TIAM1: variants seen among roughly 807,000 people sequenced by gnomAD.
TIAM1 encodes rho guanine nucleotide exchange factor TIAM1.
In TIAM1, 65 loss-of-function variants were observed where a neutral mutation model predicts 163.5. The observed-to-expected ratio is 0.40, with a 90% confidence interval of 0.33 to 0.49. The LOEUF (loss-of-function observed/expected upper bound fraction) is 0.49. TIAM1 is among the 20% of genes least tolerant of loss of function. The pLI, the probability that TIAM1 is intolerant of heterozygous loss-of-function variation, is 0.77. For synonymous variants in TIAM1, 833 were observed against 810.1 expected (o/e 1.03, Z -0.48); for missense variants, 1,789 against 2,044.7 (o/e 0.87, Z 2.41).
chr21:31,178,303 CT>C (rs10671534), intron 15 of TIAM1, among the ~76,000 whole-genome samples: 1,979 of 96,004 alleles, frequency 0.021, 9 homozygotes, highest in African/African-American at 0.066. Flanking sequence ...TTCAGGAATT[CT>C]TTTTTTTTTT....
At chr21:31,487,104 G>A (rs942919911) in intron 1 of TIAM1, among the ~76,000 whole-genome samples, 3 of 152,190 alleles carry the variant, frequency 2.0e-5, no homozygotes, top group African/African-American at 7.2e-5. Flanking sequence ...GTTCAGGGCT[G>A]GGGGCAATCC....
chr21:31,209,355 C>A (rs1358854385), intron 11 of TIAM1, among the ~76,000 whole-genome samples: 1 of 152,220 alleles, frequency 6.6e-6, no homozygotes, highest in Non-Finnish European at 1.5e-5. Flanking sequence ...AGACCATTCA[C>A]CTGGCTGCCC....
At chr21:31,296,804 C>T (rs2074285844) in intron 2 of TIAM1, among the ~76,000 whole-genome samples, 1 of 152,168 alleles carries the variant, frequency 6.6e-6, no homozygotes, top group Admixed American at 6.5e-5. Context: ...GCTGGGACTA[C>T]AGGCATGTGC....
At chr21:31,521,498 G>A (rs1375629401) in intron 1 of TIAM1, among the ~76,000 whole-genome samples, 1 of 152,152 alleles carries the variant, frequency 6.6e-6, no homozygotes, top group Non-Finnish European at 1.5e-5. Context: ...TGATTTGGTA[G>A]GTGGAGGCGG....
chr21:31,430,225 A>AAAATAT (rs1555978198), intron 2 of TIAM1, among the ~76,000 whole-genome samples: 32 of 90,242 alleles, frequency 3.5e-4, no homozygotes, highest in African/African-American at 1.8e-3. Flanking sequence ...AAAAAAAAAA[A>AAAATAT]ATATATATAT....
intron 14 of TIAM1, among the ~76,000 whole-genome samples, chr21:31,186,729 T>G (rs988039358): frequency 2.0e-5 from 3 of 152,040 alleles, no homozygotes; most frequent in Admixed American, 1.3e-4. Flanking sequence ...TACAGTGACC[T>G]ATGATTGCGC....
chr21:31,135,926 TA>T lies in TIAM1; in HGVS notation c.3883+6del. 1 of 1,613,942 alleles carries T rather than the reference TA, an allele frequency of 6.2e-7. No homozygotes were observed. The highest frequency in any genetic ancestry group is 8.5e-7 in the Non-Finnish European group (1 of 1,179,800). On this transcript the variant is annotated splice_donor_region_variant and intron_variant, in intron 23 of 27. Coordinates refer to ENST00000541036, the MANE Select transcript of TIAM1 (RefSeq NM_001353694.2). The stretch of plus-strand genomic sequence containing the variant: ...CCCCCTCCATAAAACGCTTTTCTGA[TA>T]CACACCGAATGCTGCCAACTCTGGT...
intron 1 of TIAM1, among the ~76,000 whole-genome samples, chr21:31,550,187 T>C (rs991710635): frequency 6.6e-6 from 1 of 151,804 alleles, no homozygotes; most frequent in Admixed American, 6.6e-5. Flanking sequence ...GCCATATTCA[T>C]TCATAACAGT....
chr21:31,385,964 T>C (rs1258368148), intron 2 of TIAM1, among the ~76,000 whole-genome samples: 1 of 147,878 alleles, frequency 6.8e-6, no homozygotes, highest in Non-Finnish European at 1.5e-5. Flanking sequence ...TAATATATTA[T>C]ATATAATATA....
In TIAM1 at chr21:31,165,192, C is replaced by T. The variant is rs1005988511; in HGVS notation, c.2888-127G>A. On this transcript the variant is annotated intron_variant, in intron 15 of 27. Transcript: ENST00000541036. ...CATATACTGTAAGACCCTCCAAGTA[C>T]AAGCTCCATCACCTGGGCTCAATCA... 2.2e-5 allele frequency: 15 copies of T among 689,614 alleles called. 1 individual carries two copies. Among genetic ancestry groups the T allele is most frequent in the African/African-American group, 1.8e-4 (10 of 56,610 alleles). The allele number at this position is 689,614 out of a possible 1,614,324, so 42.7% of individuals were successfully genotyped here. A position where few individuals can be genotyped will look rare whatever the true frequency, so the allele number is the denominator to read the frequency against.
At chr21:31,447,427 C>A (rs577729610) in intron 2 of TIAM1, among the ~76,000 whole-genome samples, 7 of 151,440 alleles carry the variant, frequency 4.6e-5, no homozygotes, top group Admixed American at 4.6e-4. Flanking sequence ...CAGAGCAAGA[C>A]TCTATCTCAA....
chr21:31,472,755 C>G (rs2045791086), intron 1 of TIAM1, among the ~76,000 whole-genome samples: 1 of 152,202 alleles, frequency 6.6e-6, no homozygotes, highest in South Asian at 2.1e-4. Flanking sequence ...ATGCACATTT[C>G]ACATAGATTT....
intron 12 of TIAM1, among the ~76,000 whole-genome samples, chr21:31,200,049 T>A (rs1445531510): frequency 6.6e-6 from 1 of 152,200 alleles, no homozygotes; most frequent in Non-Finnish European, 1.5e-5. Flanking sequence ...ATATTACACA[T>A]TCACATGTAT....
intron 2 of TIAM1, among the ~76,000 whole-genome samples, chr21:31,388,745 T>G (rs2076920993): frequency 6.6e-6 from 1 of 152,184 alleles, no homozygotes; most frequent in Non-Finnish European, 1.5e-5. Context: ...ATGCCTCAAT[T>G]TCTTCATCTG....
At chr21:31,303,016 T>A (rs1317328933) in intron 2 of TIAM1, among the ~76,000 whole-genome samples, 1 of 152,166 alleles carries the variant, frequency 6.6e-6, no homozygotes, top group Non-Finnish European at 1.5e-5. Flanking sequence ...GATGTGTAAG[T>A]TGCTAGCTGT....
At chr21:31,355,450 G>A (rs898148611) in intron 2 of TIAM1, among the ~76,000 whole-genome samples, 3 of 152,026 alleles carry the variant, frequency 2.0e-5, no homozygotes, top group Non-Finnish European at 4.4e-5. Context: ...CCTGGCCAGT[G>A]GCCCCACCCC....
At chr21:31,436,311 T>C (rs1389084133) in intron 2 of TIAM1, among the ~76,000 whole-genome samples, 1 of 152,212 alleles carries the variant, frequency 6.6e-6, no homozygotes. Flanking sequence ...AGCAAAGGAC[T>C]CTTGTTCCCA....
At chr21:31,240,958 A>G (rs1211639337) in intron 6 of TIAM1, among the ~76,000 whole-genome samples, 1 of 152,196 alleles carries the variant, frequency 6.6e-6, no homozygotes, top group Non-Finnish European at 1.5e-5. Flanking sequence ...AGGTAATCAA[A>G]TCATGGGTGC....
chr21:31,514,905 T>A (rs189649189), intron 1 of TIAM1, among the ~76,000 whole-genome samples: 1 of 152,322 alleles, frequency 6.6e-6, no homozygotes, highest in Admixed American at 6.5e-5. Flanking sequence ...AAAGCCGATG[T>A]TAGGAGTTGG....
Sources: allele counts gnomAD v4.1 joint callset (sites outside exome capture counted in the v4.1 genomes callset), GRCh38; gene constraint gnomAD v4.1.1; transcripts MANE v1.5; gene names NCBI Gene and HGNC (gene_info 2026-07-23, HGNC 2026-07-21).